TBC1D5: variants seen among roughly 807,000 people sequenced by gnomAD.
TBC1D5 encodes TBC1 domain family member 5.
A neutral mutation model predicts 100.3 loss-of-function variants in TBC1D5; 75 were observed. The observed-to-expected ratio is 0.75, with a 90% CI of 0.62 to 0.91. TBC1D5 has a LOEUF of 0.91. TBC1D5 is among the 40% of genes least tolerant of loss of function. The pLI, the probability that TBC1D5 is intolerant of heterozygous loss-of-function variation, is 0.00. For missense variants in TBC1D5, 910 were observed against 942.4 expected (o/e 0.97, Z 0.45); for synonymous variants, 323 against 325.6 (o/e 0.99, Z 0.09).
intron 16 of TBC1D5, among the ~76,000 whole-genome samples, chr3:17,258,168 A>G (rs1325325786): frequency 2.6e-5 from 4 of 151,796 alleles, no homozygotes; most frequent in Non-Finnish European, 4.4e-5. Context: ...ATTTAAAAAT[A>G]TATTATAAAA....
exon 8 of TBC1D5, chr3:17,403,240 C>A: frequency 6.3e-7 from 1 of 1,587,064 alleles, no homozygotes; most frequent in Non-Finnish European, 8.6e-7. Flanking sequence ...AGAATTTGTT[C>A]CAAAGACTCT....
chr3:17,496,461 C>T (rs186429135), intron 3 of TBC1D5, among the ~76,000 whole-genome samples: 86 of 151,868 alleles, frequency 5.7e-4, no homozygotes, highest in Admixed American at 1.3e-3. Context: ...CACACACACA[C>T]GCACACACAC....
At chr3:17,419,184 T>C (rs774014887) in intron 4 of TBC1D5, among the ~76,000 whole-genome samples, 1 of 152,230 alleles carries the variant, frequency 6.6e-6, no homozygotes, top group African/African-American at 2.4e-5. Context: ...AATAACTTTC[T>C]AAACTGCAGT....
chr3:17,465,411 T>G (rs2095285189), intron 3 of TBC1D5: 1 of 169,758 alleles, frequency 5.9e-6, no homozygotes, highest in Non-Finnish European at 1.3e-5. Context: ...GAAAACATAA[T>G]AAGGATGAAG....
At chr3:17,619,298 A>G (rs769506233) in intron 2 of TBC1D5, among the ~76,000 whole-genome samples, 3 of 152,176 alleles carry the variant, frequency 2.0e-5, no homozygotes, top group Non-Finnish European at 4.4e-5. Flanking sequence ...AGTTCAAGAA[A>G]AACTGGGAAA....
chr3:17,563,999 G>A (rs1325777855), intron 2 of TBC1D5, among the ~76,000 whole-genome samples: 6 of 152,160 alleles, frequency 3.9e-5, no homozygotes, highest in Non-Finnish European at 8.8e-5. Flanking sequence ...AGCCAGGATG[G>A]TCTCGATCTC....
chr3:17,597,867 A>G (rs908621096), intron 2 of TBC1D5, among the ~76,000 whole-genome samples: 4 of 152,150 alleles, frequency 2.6e-5, no homozygotes, highest in African/African-American at 7.2e-5. Context: ...AAATTCAAAC[A>G]TTGTATCTTC....
intron 2 of TBC1D5, among the ~76,000 whole-genome samples, chr3:17,544,978 T>C (rs532865577): frequency 6.6e-5 from 10 of 152,226 alleles, no homozygotes; most frequent in Non-Finnish European, 1.3e-4. Flanking sequence ...ATATTTATTT[T>C]ACAATTAATT....
chr3:17,420,886 G>A (rs774394257), intron 4 of TBC1D5, among the ~76,000 whole-genome samples: 1 of 152,034 alleles, frequency 6.6e-6, no homozygotes, highest in Non-Finnish European at 1.5e-5. Flanking sequence ...CACAGCCTTG[G>A]ATGATCAGGC....
At chr3:17,648,910 G>C (rs1452191052) in intron 1 of TBC1D5, among the ~76,000 whole-genome samples, 1 of 152,126 alleles carries the variant, frequency 6.6e-6, no homozygotes. Flanking sequence ...ATCATGGAAA[G>C]CAATATCGTG....
At chr3:17,687,408 T>C (rs1006981088) in intron 1 of TBC1D5, among the ~76,000 whole-genome samples, 5 of 152,166 alleles carry the variant, frequency 3.3e-5, no homozygotes, top group African/African-American at 1.2e-4. Flanking sequence ...TATTATCATA[T>C]AGAGGCTTTA....
At chr3:17,188,995 A>G (rs2069518153) in intron 18 of TBC1D5, among the ~76,000 whole-genome samples, 1 of 152,172 alleles carries the variant, frequency 6.6e-6, no homozygotes. Context: ...GTGGGGAACA[A>G]AGGAATGCTG....
At chr3:17,289,913 T>A (rs1575151590) in intron 15 of TBC1D5, among the ~76,000 whole-genome samples, 1 of 152,344 alleles carries the variant, frequency 6.6e-6, no homozygotes, top group East Asian at 1.9e-4. Flanking sequence ...TGTAAAATGA[T>A]GTTAATGAGT....
At chr3:17,437,681 AG>A (rs1245227066) in intron 3 of TBC1D5, among the ~76,000 whole-genome samples, 1 of 122,580 alleles carries the variant, frequency 8.2e-6, no homozygotes, top group Non-Finnish European at 1.7e-5. Context: ...GAGAGGGGGC[AG>A]AGGAAGGAAG....
chr3:17,703,944 G>A (rs1487106412), intron 1 of TBC1D5, among the ~76,000 whole-genome samples: 2 of 125,644 alleles, frequency 1.6e-5, no homozygotes, highest in African/African-American at 3.0e-5. Context: ...TTTTTTTATT[G>A]ATAATTCTTG....
At chr3:17,272,163 G>A (rs1197293916) in intron 15 of TBC1D5, among the ~76,000 whole-genome samples, 2 of 152,170 alleles carry the variant, frequency 1.3e-5, no homozygotes, top group Non-Finnish European at 2.9e-5. Context: ...GATCTCATCA[G>A]CTGTTACACT....
At chr3:17,451,746 CA>C (rs992728819) in intron 3 of TBC1D5, among the ~76,000 whole-genome samples, 8 of 152,096 alleles carry the variant, frequency 5.3e-5, no homozygotes, top group African/African-American at 1.9e-4. Flanking sequence ...ATATTCTGCA[CA>C]TGTATACCAG....
rs540281682 is a variant in TBC1D5 at position 17,734,366 on chromosome 3, CAGA to C, written c.-101+4974_-101+4976del. On this transcript the variant is annotated intron_variant, in intron 1 of 21. Transcript: ENST00000253692. Reference sequence around the variant, plus strand: ...CCAATAGTAAAGTTTCTGACATCCACAGAAGAAGAAATCATTCATTAAACAGTA... The same window carrying C: ...CCAATAGTAAAGTTTCTGACATCCACAGAAGAAATCATTCATTAAACAGTA... 1.8e-4 allele frequency among the ~76,000 whole-genome samples: 28 copies of C among 152,240 alleles called. No homozygotes were observed. In the South Asian group the frequency reaches 5.8e-3, roughly 32 times the overall value.
chr3:17,250,389 G>A (rs1009190437), intron 16 of TBC1D5, among the ~76,000 whole-genome samples: 1 of 152,116 alleles, frequency 6.6e-6, no homozygotes, highest in African/African-American at 2.4e-5. Flanking sequence ...ACCATTCAGA[G>A]CCCTTTGGTG....
Sources: allele counts gnomAD v4.1 joint callset (sites outside exome capture counted in the v4.1 genomes callset), GRCh38; gene constraint gnomAD v4.1.1; transcripts MANE v1.5; gene names NCBI Gene and HGNC (gene_info 2026-07-23, HGNC 2026-07-21).